PLD1: variants seen among roughly 807,000 people sequenced by gnomAD.
PLD1 encodes the protein phospholipase D1.
A neutral mutation model predicts 137.1 loss-of-function variants in PLD1; 112 were observed. The ratio of observed to expected loss-of-function variants is 0.82; its 90% confidence interval spans 0.70 to 0.96. PLD1 has a LOEUF of 0.96. Ranked by LOEUF, PLD1 falls within the 40% of genes least tolerant of loss-of-function variation. PLD1 has a pLI of 0.00. For synonymous variants in PLD1, 431 were observed against 454.7 expected, an observed-to-expected ratio of 0.95 and a Z score of 0.66; for missense variants, 1,321 against 1,342.0, an observed-to-expected ratio of 0.98 and a Z score of 0.24.
chr3:171,748,468 C>T (rs1449452868), intron 1 of PLD1, among the ~76,000 whole-genome samples: 2 of 152,134 alleles, frequency 1.3e-5, no homozygotes, highest in Non-Finnish European at 2.9e-5. Flanking sequence ...GAAGCAACCT[C>T]TGTTGGTGTG....
intron 2 of PLD1, 57 bp downstream of exon 2, chr3:171,737,835 T>C: frequency 6.5e-7 from 1 of 1,549,414 alleles, no homozygotes; most frequent in South Asian, 1.2e-5. Flanking sequence ...AAATTTGTGG[T>C]CTTCCGACCA....
intron 13 of PLD1, among the ~76,000 whole-genome samples, chr3:171,691,959 A>G (rs1185784998): frequency 6.6e-6 from 1 of 152,184 alleles, no homozygotes; most frequent in East Asian, 1.9e-4. Flanking sequence ...CCTAGAGGAG[A>G]TCTCTTTGCT....
intron 19 of PLD1, among the ~76,000 whole-genome samples, chr3:171,668,779 G>A (rs9826698): frequency 0.042 from 6,346 of 152,262 alleles, 429 homozygotes; most frequent in African/African-American, 0.14. Flanking sequence ...CCATGTTGAT[G>A]CTGACACGGC....
At chr3:171,721,785 G>GA (rs903532934) in intron 8 of PLD1, among the ~76,000 whole-genome samples, 65 of 140,858 alleles carry the variant, frequency 4.6e-4, no homozygotes, top group Admixed American at 9.2e-4. Context: ...CTCCATCTCA[G>GA]AAAAAAAAAA....
rs74891109 is a variant in PLD1, at chr3:171,677,390, A to G, written c.1996+176T>C. ...ATGTTCTTTTCTTATTATAACTGAA[A>G]AAAAAGTCCTTAAGCACATGCTAAT... On this transcript the variant is annotated intron_variant, in intron 17 of 26. Transcript: ENST00000351298. Among the ~76,000 whole-genome samples the G allele has an allele frequency of 1.3e-3, 195 of 152,368 alleles. 1 individual carries two copies. Among genetic ancestry groups the G allele is most frequent in the South Asian group, 5.0e-3 (24 of 4,830 alleles).
chr3:171,644,944 T>C lies in PLD1; in HGVS notation c.2509A>G (p.Asn837Asp). The C allele has an allele frequency of 6.2e-7, 1 of 1,613,696 alleles. No individual in the cohort carries two copies. The highest frequency in any genetic ancestry group is 1.6e-4 in the Middle Eastern group (1 of 6,062). ...FEGDISTGGG[N>D]ALQAIMHFNY... Reference sequence around the variant, plus strand: ...AAGTGCATGATTGCCTGTAGAGCATTTCCTCCGCCGGTTGAAATGTCTCCT... The same window carrying C: ...AAGTGCATGATTGCCTGTAGAGCATCTCCTCCGCCGGTTGAAATGTCTCCT... Residue 837 changes from asparagine (N) to aspartate (D), a missense_variant, in exon 22 of 27, where the codon AAT becomes GAT. Asn to Asp is a conservative substitution (Grantham distance 23, BLOSUM62 1). Transcript: ENST00000351298.
intron 23 of PLD1, among the ~76,000 whole-genome samples, chr3:171,642,627 C>T (rs1284266903): frequency 6.6e-6 from 1 of 151,722 alleles, no homozygotes; most frequent in Non-Finnish European, 1.5e-5. Flanking sequence ...TACAAAGATG[C>T]TCGGTTTTTA....
At chr3:171,707,522 T>G (rs1716785811) in intron 11 of PLD1, among the ~76,000 whole-genome samples, 1 of 152,194 alleles carries the variant, frequency 6.6e-6, no homozygotes, top group Non-Finnish European at 1.5e-5. Context: ...TCCTAGTAAC[T>G]GACTGAAAAG....
chr3:171,800,925 GCC>G (rs1439604838), intron 1 of PLD1, among the ~76,000 whole-genome samples: 2 of 152,138 alleles, frequency 1.3e-5, no homozygotes, highest in African/African-American at 4.8e-5. Flanking sequence ...TCTCCTAAAG[GCC>G]TCACCTCCTA....
chr3:171,763,253 G>C (rs1222463262), intron 1 of PLD1, among the ~76,000 whole-genome samples: 1 of 151,460 alleles, frequency 6.6e-6, no homozygotes, highest in Non-Finnish European at 1.5e-5. Flanking sequence ...CTGAAAGAAA[G>C]GTTTATTAAA....
chr3:171,710,526 T>C (rs1038404536), intron 9 of PLD1, among the ~76,000 whole-genome samples: 3 of 152,172 alleles, frequency 2.0e-5, no homozygotes, highest in African/African-American at 7.2e-5. Context: ...CGAGCTTCTG[T>C]GAGAATCTGA....
At chr3:171,621,471 G>A (rs1467770301) in intron 23 of PLD1, among the ~76,000 whole-genome samples, 4 of 152,148 alleles carry the variant, frequency 2.6e-5, no homozygotes, top group African/African-American at 9.7e-5. Flanking sequence ...AAGGGTGGCA[G>A]TTCATCTCCC....
At chr3:171,763,252 A>G (rs1721525572) in intron 1 of PLD1, among the ~76,000 whole-genome samples, 1 of 151,684 alleles carries the variant, frequency 6.6e-6, no homozygotes, top group Non-Finnish European at 1.5e-5. Context: ...ACTGAAAGAA[A>G]GGTTTATTAA....
intron 13 of PLD1, among the ~76,000 whole-genome samples, chr3:171,689,588 A>G (rs1285782242): frequency 6.6e-6 from 1 of 151,732 alleles, no homozygotes; most frequent in East Asian, 1.9e-4. Context: ...GCAGCCTTGA[A>G]TTCCTGAGCT....
intron 1 of PLD1, among the ~76,000 whole-genome samples, chr3:171,781,958 TC>T (rs1205495313): frequency 1.3e-5 from 2 of 152,112 alleles, no homozygotes; most frequent in Non-Finnish European, 2.9e-5. Context: ...TGGAAGCAAC[TC>T]AGGCATCCAC....
chr3:171,684,896 T>C (rs879452766), intron 16 of PLD1, among the ~76,000 whole-genome samples: 1 of 152,216 alleles, frequency 6.6e-6, no homozygotes, highest in Non-Finnish European at 1.5e-5. Context: ...CTCTTCTCCA[T>C]TCTTAAATAT....
Position 171,602,988 on chromosome 3 carries a change from G to T in PLD1, c.*90C>A. The T allele has an allele frequency of 1.1e-6, 1 of 916,358 alleles. No individual in the cohort carries two copies. Among genetic ancestry groups the T allele is most frequent in the Non-Finnish European group, 1.7e-6 (1 of 572,300 alleles). 56.8% of individuals were successfully genotyped at this position (916,358 alleles called of 1,614,324 possible). A position where few individuals can be genotyped will look rare whatever the true frequency, so the allele number is the denominator to read the frequency against. ...TTGGGTTGGATACGAGAATGCGTCA[G>T]GCCTGGCTTTGGCTATGACATCCCC... On this transcript the variant is annotated 3_prime_UTR_variant, in exon 27 of 27. Coordinates refer to ENST00000351298, the MANE Select transcript of PLD1 (RefSeq NM_002662.5).
chr3:171,755,867 G>C (rs1157340066), intron 1 of PLD1, among the ~76,000 whole-genome samples: 1 of 152,142 alleles, frequency 6.6e-6, no homozygotes, highest in Non-Finnish European at 1.5e-5. Flanking sequence ...ATCCCATAGA[G>C]CATCTCAATA....
intron 21 of PLD1, among the ~76,000 whole-genome samples, chr3:171,657,109 C>G (rs1737278098): frequency 6.6e-6 from 1 of 152,122 alleles, no homozygotes; most frequent in African/African-American, 2.4e-5. Context: ...GTGGCCTAGA[C>G]AAGTCACATA....
Sources: allele counts gnomAD v4.1 joint callset (sites outside exome capture counted in the v4.1 genomes callset), GRCh38; gene constraint gnomAD v4.1.1; transcripts MANE v1.5; gene names NCBI Gene and HGNC (gene_info 2026-07-23, HGNC 2026-07-21).